GRXCR2: variants seen among roughly 807,000 people sequenced by gnomAD.
GRXCR2 encodes glutaredoxin domain-containing cysteine-rich protein 2.
GRXCR2 carries 23 observed loss-of-function variants against 24.8 expected under a neutral mutation model. The observed-to-expected ratio is 0.93, with a 90% confidence interval of 0.67 to 1.32. GRXCR2 has a LOEUF of 1.32. Among genes scored for constraint, GRXCR2 ranks in the 40% most tolerant of loss-of-function variants. GRXCR2 has a pLI of 0.00. For missense variants in GRXCR2, 315 were observed against 303.4 expected (o/e 1.04, Z -0.28); for synonymous variants, 130 against 116.1 (o/e 1.12, Z -0.77).
intron 2 of GRXCR2, among the ~76,000 whole-genome samples, chr5:145,864,570 A>T (rs1168388199): frequency 6.6e-6 from 1 of 152,056 alleles, no homozygotes. Context: ...TCTCGTGATA[A>T]GTGAGTTCTC....
chr5:145,896,983 A>G (rs1194408493), intron 2 of GRXCR2, among the ~76,000 whole-genome samples: 1 of 152,010 alleles, frequency 6.6e-6, no homozygotes, highest in East Asian at 1.9e-4. Flanking sequence ...TGTCCTTTGT[A>G]GGGACATGGA....
intron 2 of GRXCR2, among the ~76,000 whole-genome samples, chr5:145,903,464 A>G (rs1303163869): frequency 6.6e-6 from 1 of 151,964 alleles, no homozygotes; most frequent in Non-Finnish European, 1.5e-5. Flanking sequence ...CCTATCCTTC[A>G]TCAGAGCTGC....
At chr5:145,913,945 C>A (rs958533913) in intron 2 of GRXCR2, among the ~76,000 whole-genome samples, 5 of 152,238 alleles carry the variant, frequency 3.3e-5, no homozygotes, top group African/African-American at 1.2e-4. Context: ...GAAACACACT[C>A]AGGCGTTTTG....
At position 145,865,736 on chromosome 5, in the gene GRXCR2, T is replaced by A. The variant is rs530251353; in HGVS notation, c.564+765A>T. Among the ~76,000 whole-genome samples, 31 of 152,332 alleles carry A rather than the reference T, an allele frequency of 2.0e-4. No homozygotes were observed. The South Asian group carries it at 3.1e-3, about 15-fold the overall frequency. On this transcript the variant is annotated intron_variant, in intron 2 of 2. Coordinates refer to ENST00000377976, the MANE Select transcript of GRXCR2 (RefSeq NM_001080516.2). ...ATTTACAAAGGATACTCCTTAGTTTTAGCTAAACTAATCTGCCAAATGGAA... is the reference window on the plus strand; with the variant it reads ...ATTTACAAAGGATACTCCTTAGTTTAAGCTAAACTAATCTGCCAAATGGAA...
At chr5:145,927,100 G>A (rs539177964) in intron 2 of GRXCR2, among the ~76,000 whole-genome samples, 4 of 152,318 alleles carry the variant, frequency 2.6e-5, no homozygotes, top group African/African-American at 9.6e-5. Context: ...CTTTGCTGAA[G>A]TTGCCTATCA....
intron 2 of GRXCR2, among the ~76,000 whole-genome samples, chr5:145,928,101 C>T (rs377135425): frequency 1.3e-5 from 2 of 151,884 alleles, no homozygotes; most frequent in Non-Finnish European, 2.9e-5. Context: ...AGGATATGAA[C>T]AGACACTTCT....
intron 2 of GRXCR2, among the ~76,000 whole-genome samples, chr5:145,924,825 T>G (rs1356079981): frequency 6.6e-6 from 1 of 152,160 alleles, no homozygotes; most frequent in African/African-American, 2.4e-5. Flanking sequence ...TCCCACCCCC[T>G]CTTAAAAGTT....
At chr5:145,919,335 T>C (rs1370158735) in intron 2 of GRXCR2, among the ~76,000 whole-genome samples, 1 of 152,170 alleles carries the variant, frequency 6.6e-6, no homozygotes, top group Non-Finnish European at 1.5e-5. Context: ...ACCACAATTG[T>C]TATTTATGGA....
intron 2 of GRXCR2, among the ~76,000 whole-genome samples, chr5:145,911,858 T>G (rs1324206823): frequency 6.6e-6 from 1 of 152,108 alleles, no homozygotes; most frequent in Non-Finnish European, 1.5e-5. Context: ...GGAAGCCAAT[T>G]TGGAAGGATC....
At chr5:145,886,286 G>C (rs900740667) in intron 2 of GRXCR2, among the ~76,000 whole-genome samples, 3 of 152,184 alleles carry the variant, frequency 2.0e-5, no homozygotes, top group African/African-American at 7.2e-5. Flanking sequence ...AGAATGGAGA[G>C]ATAGGCCAGT....
intron 2 of GRXCR2, among the ~76,000 whole-genome samples, chr5:145,864,073 A>G (rs753001195): frequency 5.3e-5 from 8 of 152,124 alleles, no homozygotes; most frequent in African/African-American, 9.7e-5. Context: ...AACTCTGATG[A>G]GGGGTGTAAG....
At chr5:145,862,681 G>C (rs538319520) in intron 2 of GRXCR2, among the ~76,000 whole-genome samples, 1 of 152,148 alleles carries the variant, frequency 6.6e-6, no homozygotes, top group East Asian at 1.9e-4. Flanking sequence ...GGCTTGTAGA[G>C]CCCTGAAGAT....
At chr5:145,869,492 G>C (rs1301095202) in intron 1 of GRXCR2, among the ~76,000 whole-genome samples, 2 of 151,810 alleles carry the variant, frequency 1.3e-5, no homozygotes, top group African/African-American at 4.8e-5. Context: ...TACAATGGTG[G>C]GTAACATTCG....
intron 2 of GRXCR2, among the ~76,000 whole-genome samples, chr5:145,918,234 A>G (rs1344050924): frequency 6.6e-6 from 1 of 152,206 alleles, no homozygotes; most frequent in Non-Finnish European, 1.5e-5. Flanking sequence ...TACAACTTAC[A>G]AAACATTTTC....
intron 2 of GRXCR2, among the ~76,000 whole-genome samples, chr5:145,904,501 C>T (rs113513483): frequency 9.8e-5 from 15 of 152,292 alleles, no homozygotes; most frequent in African/African-American, 3.4e-4. Context: ...GGTAGGTTGC[C>T]TTCCTGCAGC....
chr5:145,915,614 G>T (rs749649105), intron 2 of GRXCR2, among the ~76,000 whole-genome samples: 5 of 151,934 alleles, frequency 3.3e-5, no homozygotes, highest in Admixed American at 3.3e-4. Context: ...GTGAAACCCC[G>T]ACTCTACTAA....
At chr5:145,869,265 A>G (rs412207) in intron 1 of GRXCR2, among the ~76,000 whole-genome samples, 2 of 152,224 alleles carry the variant, frequency 1.3e-5, no homozygotes, top group Admixed American at 6.5e-5. Flanking sequence ...TCTGTAAAAC[A>G]CTCATAGAAA....
At chr5:145,890,388 C>A (rs1238682195) in intron 2 of GRXCR2, among the ~76,000 whole-genome samples, 1 of 152,138 alleles carries the variant, frequency 6.6e-6, no homozygotes, top group East Asian at 1.9e-4. Flanking sequence ...CTGCACCTGG[C>A]AGGAATTTTT....
chr5:145,894,716 TG>T (rs919214465), intron 2 of GRXCR2, among the ~76,000 whole-genome samples: 26 of 152,144 alleles, frequency 1.7e-4, no homozygotes, highest in African/African-American at 6.0e-4. Context: ...AAGGAGGAGC[TG>T]GTACCATTCC....
Sources: gnomAD v4.1 joint callset for allele counts (sites outside exome capture counted in the v4.1 genomes callset) on GRCh38, gnomAD v4.1.1 for gene constraint, MANE v1.5 for transcripts, NCBI Gene and HGNC (gene_info 2026-07-23, HGNC 2026-07-21) for gene names.